The following FTO variants were observed in gnomAD, a reference collection of about 807,000 sequenced individuals.
FTO encodes the protein FTO alpha-ketoglutarate dependent dioxygenase, also known as alpha-ketoglutarate-dependent dioxygenase FTO.
A neutral mutation model predicts 63.9 loss-of-function variants in FTO; 47 were observed. The ratio of observed to expected loss-of-function variants is 0.74; its 90% CI spans 0.58 to 0.94. The LOEUF is 0.94. Among genes scored for constraint, FTO ranks in the 40% least tolerant of loss-of-function variants. The pLI is 0.00. For synonymous variants in FTO, 207 were observed against 224.4 expected (o/e 0.92, Z 0.69); for missense variants, 562 against 618.1 (o/e 0.91, Z 0.96).
intron 1 of FTO, among the ~76,000 whole-genome samples, chr16:53,732,587 G>T (rs1422530497): frequency 2.6e-5 from 4 of 152,166 alleles, no homozygotes; most frequent in African/African-American, 9.7e-5. Context: ...TTCTTATCTT[G>T]CTTTTATTAG....
intron 1 of FTO, among the ~76,000 whole-genome samples, chr16:53,759,127 T>G (rs2076988671): frequency 6.6e-6 from 1 of 152,168 alleles, no homozygotes; most frequent in African/African-American, 2.4e-5. Flanking sequence ...TTTTGTGTGT[T>G]TGAAATTTTC....
intron 1 of FTO, among the ~76,000 whole-genome samples, chr16:53,783,659 G>C (rs948411971): frequency 2.0e-5 from 3 of 148,720 alleles, no homozygotes; most frequent in African/African-American, 7.5e-5. Context: ...GTGGTGGCAC[G>C]TGCCTATAAT....
intron 3 of FTO, among the ~76,000 whole-genome samples, chr16:53,841,818 A>G (rs2079486448): frequency 6.6e-6 from 1 of 152,176 alleles, no homozygotes; most frequent in Non-Finnish European, 1.5e-5. Flanking sequence ...AAAGCTTTGC[A>G]TCTTTTTGTC....
intron 8 of FTO, among the ~76,000 whole-genome samples, chr16:54,029,895 G>A (rs1370041083): frequency 6.6e-6 from 1 of 152,182 alleles, no homozygotes; most frequent in African/African-American, 2.4e-5. Context: ...ATTAGTCCAT[G>A]ACTTCATTTG....
chr16:53,783,350 C>T (rs2077636158), intron 1 of FTO, among the ~76,000 whole-genome samples: 1 of 151,938 alleles, frequency 6.6e-6, no homozygotes, highest in South Asian at 2.1e-4. Context: ...TGGTGGCTCA[C>T]GCCTATAATC....
intron 1 of FTO, among the ~76,000 whole-genome samples, chr16:53,754,649 C>T (rs1269554570): frequency 6.6e-6 from 1 of 151,982 alleles, no homozygotes; most frequent in African/African-American, 2.4e-5. Context: ...AAAAAAAAAG[C>T]TCCATGATAC....
intron 1 of FTO, among the ~76,000 whole-genome samples, chr16:53,737,092 C>T (rs747884456): frequency 6.6e-6 from 1 of 152,128 alleles, no homozygotes; most frequent in Non-Finnish European, 1.5e-5. Flanking sequence ...ACCCTGTGTG[C>T]GCCTGTTTCT....
At chr16:53,952,468 T>C (rs2082822681) in intron 8 of FTO, among the ~76,000 whole-genome samples, 1 of 152,132 alleles carries the variant, frequency 6.6e-6, no homozygotes, top group South Asian at 2.1e-4. Flanking sequence ...ATCCTGGATG[T>C]GTACTAGAGC....
intron 8 of FTO, among the ~76,000 whole-genome samples, chr16:54,074,192 T>C (rs2085934284): frequency 6.6e-6 from 1 of 152,184 alleles, no homozygotes; most frequent in Non-Finnish European, 1.5e-5. Flanking sequence ...TACTTATATC[T>C]AAGGTTACTT....
intron 8 of FTO, chr16:53,937,470 T>C (rs2082416120): frequency 2.3e-5 from 9 of 389,748 alleles, no homozygotes; most frequent in Non-Finnish European, 3.6e-5. Context: ...AACTCTGAGG[T>C]TCTTAGGGTC....
chr16:53,982,681 G>A (rs2083575341), intron 8 of FTO, among the ~76,000 whole-genome samples: 1 of 152,198 alleles, frequency 6.6e-6, no homozygotes, highest in African/African-American at 2.4e-5. Flanking sequence ...CTCTGCAGCT[G>A]TTGAAACTTC....
chr16:53,766,257 A>G (rs1351557060), intron 1 of FTO, among the ~76,000 whole-genome samples: 1 of 152,030 alleles, frequency 6.6e-6, no homozygotes, highest in African/African-American at 2.4e-5. Flanking sequence ...ATGGGGTCTC[A>G]CTCTGTTGCC....
chr16:53,988,064 A>G (rs886756904), intron 8 of FTO, among the ~76,000 whole-genome samples: 1 of 152,164 alleles, frequency 6.6e-6, no homozygotes, highest in South Asian at 2.1e-4. Context: ...TAGGATTTAT[A>G]AAACATCATT....
At chr16:54,031,450 G>A (rs540679973) in intron 8 of FTO, among the ~76,000 whole-genome samples, 1 of 152,214 alleles carries the variant, frequency 6.6e-6, no homozygotes, top group East Asian at 1.9e-4. Context: ...TTGGGGCTAG[G>A]GAATGGATAC....
chr16:53,796,741 G>A (rs770515800), intron 1 of FTO, among the ~76,000 whole-genome samples: 18 of 152,146 alleles, frequency 1.2e-4, no homozygotes, highest in South Asian at 2.1e-4. Flanking sequence ...TTATAGGCAC[G>A]TTAAACCAAA....
rs140562737 is a variant in FTO at position 53,738,772 on chromosome 16, A to G, written c.45+34543A>G. Among the ~76,000 whole-genome samples, 63 of 152,294 alleles carry G rather than the reference A, an allele frequency of 4.1e-4. No homozygotes were observed. The East Asian group carries it at 0.012, about 28-fold the overall frequency. ...TATTGTCTATATAACACCATGTCAC[A>G]TTCCCACTGGCAGTGTATTAGAGTT... On this transcript the variant is annotated intron_variant, in intron 1 of 8. Transcript: ENST00000471389.
chr16:53,954,322 A>T (rs1024062374), intron 8 of FTO, among the ~76,000 whole-genome samples: 8 of 152,008 alleles, frequency 5.3e-5, no homozygotes, highest in African/African-American at 1.5e-4. Flanking sequence ...TGGGCCTTTC[A>T]TTTAAAAGGA....
At chr16:53,974,690 C>T (rs1340705524) in intron 8 of FTO, among the ~76,000 whole-genome samples, 1 of 151,140 alleles carries the variant, frequency 6.6e-6, no homozygotes, top group Non-Finnish European at 1.5e-5. Context: ...ATGCTCCCAG[C>T]CTTGTCACTG....
intron 8 of FTO, among the ~76,000 whole-genome samples, chr16:53,939,393 C>T (rs1474383994): frequency 1.3e-5 from 2 of 151,612 alleles, no homozygotes; most frequent in African/African-American, 2.4e-5. Flanking sequence ...AAAAAGCAAA[C>T]CAAAAAAAGA....
Sources: gnomAD v4.1 joint callset for allele counts (sites outside exome capture counted in the v4.1 genomes callset) on GRCh38, gnomAD v4.1.1 for gene constraint, MANE v1.5 for transcripts, NCBI Gene and HGNC (gene_info 2026-07-23, HGNC 2026-07-21) for gene names.